The following ANO1 variants were observed in gnomAD, a reference collection of about 807,000 sequenced individuals.
ANO1 encodes anoctamin-1.
Under a neutral mutation model 124.0 loss-of-function variants are expected in ANO1, and 59 were observed. The ratio of observed to expected loss-of-function variants is 0.48; its 90% CI spans 0.39 to 0.59. The LOEUF is 0.59. ANO1 is among the 20% of genes least tolerant of loss of function. The probability of loss-of-function intolerance (pLI) is 0.00; values close to 1 mark genes in which losing one functional copy is unlikely to be tolerated. For missense variants in ANO1, 1,059 were observed against 1,328.0 expected, an observed-to-expected ratio of 0.80 and a Z score of 3.15; for synonymous variants, 529 against 532.0, an observed-to-expected ratio of 0.99 and a Z score of 0.08.
intron 9 of ANO1, among the ~76,000 whole-genome samples, chr11:70,125,055 AGTG>A (rs1370886152): frequency 3.3e-5 from 5 of 152,196 alleles, no homozygotes; most frequent in African/African-American, 1.2e-4. Flanking sequence ...ACCACAGAGA[AGTG>A]GGGACCGGGC....
At chr11:70,052,799 C>T (rs1555006428) in intron 1 of ANO1, among the ~76,000 whole-genome samples, 1 of 151,926 alleles carries the variant, frequency 6.6e-6, no homozygotes, top group Non-Finnish European at 1.5e-5. Context: ...AGATGATCCA[C>T]CCATCTTGGC....
At chr11:70,028,200 T>C (rs1291036463) in intron 1 of ANO1, among the ~76,000 whole-genome samples, 3 of 152,250 alleles carry the variant, frequency 2.0e-5, no homozygotes, top group Non-Finnish European at 4.4e-5. Context: ...ATTTAGGCCC[T>C]ACTAACTGTT....
At chr11:70,048,063 A>T (rs1388805791) in intron 1 of ANO1, among the ~76,000 whole-genome samples, 1 of 152,226 alleles carries the variant, frequency 6.6e-6, no homozygotes, top group African/African-American at 2.4e-5. Flanking sequence ...GGCTTTTCCA[A>T]ATATTTTGGT....
At chr11:70,120,219 A>T (rs1431781715) in intron 8 of ANO1, among the ~76,000 whole-genome samples, 2 of 151,232 alleles carry the variant, frequency 1.3e-5, no homozygotes, top group Non-Finnish European at 3.0e-5. Flanking sequence ...TTTAAGCAGG[A>T]GGCAGGTCTG....
chr11:70,028,889 C>T (rs978016634), intron 1 of ANO1, among the ~76,000 whole-genome samples: 1 of 152,206 alleles, frequency 6.6e-6, no homozygotes, highest in Non-Finnish European at 1.5e-5. Flanking sequence ...TCAAGTGATT[C>T]TCCTGCCTCA....
At chr11:70,086,950 CCCTGTGGCCACCTTGACATGGCA>C (rs2044411900) in intron 1 of ANO1, among the ~76,000 whole-genome samples, 1 of 152,246 alleles carries the variant, frequency 6.6e-6, no homozygotes, top group African/African-American at 2.4e-5. Context: ...TAGTTAGTGG[CCCTGTGGCCACCTTGACATGGCA>C]CTGCCTCTGA....
At chr11:70,185,283 A>C (rs1351567801) in intron 24 of ANO1, among the ~76,000 whole-genome samples, 1 of 152,232 alleles carries the variant, frequency 6.6e-6, no homozygotes, top group Non-Finnish European at 1.5e-5. Context: ...CCTGGACCAC[A>C]TGGTCCCCAC....
chr11:70,162,581 C>T (rs2048095215), intron 18 of ANO1, among the ~76,000 whole-genome samples: 2 of 152,196 alleles, frequency 1.3e-5, no homozygotes, highest in East Asian at 1.9e-4. Context: ...GTGGGGCCTG[C>T]GGCCCACCCA....
chr11:70,046,315 G>A (rs1412166492), intron 1 of ANO1, among the ~76,000 whole-genome samples: 3 of 152,114 alleles, frequency 2.0e-5, no homozygotes, highest in African/African-American at 7.2e-5. Flanking sequence ...ACCATAGCTG[G>A]TCATTGACTG....
At chr11:70,154,845 G>A (rs559207145) in intron 14 of ANO1, among the ~76,000 whole-genome samples, 59 of 152,280 alleles carry the variant, frequency 3.9e-4, no homozygotes, top group African/African-American at 1.3e-3. Flanking sequence ...AGGAGTTATC[G>A]CCCTAAAATA....
At chr11:69,985,394 T>C (rs1012112088), upstream of ANO1, among the ~76,000 whole-genome samples, 5 of 152,030 alleles carry the variant, frequency 3.3e-5, no homozygotes, top group African/African-American at 9.6e-5. Context: ...AGGACCCCAG[T>C]GACCTGTAAC....
chr11:70,187,047 G>C (rs961189908), intron 25 of ANO1, among the ~76,000 whole-genome samples: 5 of 152,192 alleles, frequency 3.3e-5, no homozygotes, highest in Non-Finnish European at 4.4e-5. Flanking sequence ...TCACTGCTTT[G>C]GGCTGACCAG....
chr11:70,057,849 C>T (rs1338621219), intron 1 of ANO1, among the ~76,000 whole-genome samples: 1 of 152,110 alleles, frequency 6.6e-6, no homozygotes, highest in Non-Finnish European at 1.5e-5. Flanking sequence ...TTAGCCTGGG[C>T]TCAGAGGCCT....
At chr11:70,112,285 G>T (rs931170483) in intron 7 of ANO1, among the ~76,000 whole-genome samples, 13 of 152,372 alleles carry the variant, frequency 8.5e-5, no homozygotes, top group African/African-American at 3.1e-4. Context: ...CTCAAGTTCA[G>T]CAGGGCACTG....
chr11:70,044,460 G>A (rs1221629019), intron 1 of ANO1, among the ~76,000 whole-genome samples: 2 of 152,094 alleles, frequency 1.3e-5, no homozygotes, highest in Non-Finnish European at 2.9e-5. Flanking sequence ...CATGGGCCAG[G>A]TATAGAACAA....
intron 14 of ANO1, among the ~76,000 whole-genome samples, chr11:70,155,521 T>G (rs1565257351): frequency 6.6e-6 from 1 of 152,178 alleles, no homozygotes; most frequent in Non-Finnish European, 1.5e-5. Context: ...CACCACCTAA[T>G]TGGCGGATGT....
At chr11:70,133,970 C>T (rs1007074625) in intron 11 of ANO1, among the ~76,000 whole-genome samples, 3 of 152,182 alleles carry the variant, frequency 2.0e-5, no homozygotes, top group African/African-American at 4.8e-5. Flanking sequence ...GGACAGAGGC[C>T]GCCAGCTCTG....
chr11:70,017,501 TC>T, intron 1 of ANO1, among the ~76,000 whole-genome samples: 1 of 91,722 alleles, frequency 1.1e-5, no homozygotes, highest in Non-Finnish European at 2.3e-5. Flanking sequence ...TTTACTTCCC[TC>T]CCTCCCTCCC....
chr11:70,123,764 G>T (rs1421458186), intron 8 of ANO1, among the ~76,000 whole-genome samples: 1 of 152,132 alleles, frequency 6.6e-6, no homozygotes. Context: ...CCACATGCGC[G>T]GGTTTATTTT....
Sources: allele counts gnomAD v4.1 joint callset (sites outside exome capture counted in the v4.1 genomes callset), GRCh38; gene constraint gnomAD v4.1.1; transcripts MANE v1.5; gene names NCBI Gene and HGNC (gene_info 2026-07-23, HGNC 2026-07-21).